The following ATP9B variants were observed in gnomAD, a reference collection of about 807,000 sequenced individuals.
The protein encoded by ATP9B is probable phospholipid-transporting ATPase IIB.
Under a neutral mutation model 146.1 loss-of-function variants are expected in ATP9B, and 110 were observed. The ratio of observed to expected loss-of-function variants is 0.75; its 90% CI spans 0.65 to 0.88. ATP9B has a LOEUF of 0.88. Among genes scored for constraint, ATP9B ranks in the 40% least tolerant of loss-of-function variants. The pLI is 0.00. For missense variants in ATP9B, 1,499 were observed against 1,496.4 expected (o/e 1.00, Z -0.03); for synonymous variants, 604 against 569.7 (o/e 1.06, Z -0.86).
chr18:79,259,453 A>G (rs982395691), intron 12 of ATP9B, among the ~76,000 whole-genome samples: 1 of 152,226 alleles, frequency 6.6e-6, no homozygotes, highest in Non-Finnish European at 1.5e-5. Context: ...TGTGGGTGCT[A>G]GAGGCAGAAT....
Position 79,344,382 on chromosome 18 carries a change from G to GTCTGTCTGTCTA in ATP9B, c.2472+37_2472+38insCTATCTGTCTGT, listed in dbSNP as rs367931438. 3.4e-3 allele frequency: 5,387 copies of GTCTGTCTGTCTA among 1,599,354 alleles called. 30 individuals carry two copies. The highest frequency in any genetic ancestry group is 0.021 in the African/African-American group (1,548 of 74,430). ...AAGGCTGGACCCTGAGTGAGTACAT[G>GTCTGTCTGTCTA]TCTGTCTGTGTCTCTGAGGCAAGGC... On this transcript the variant is annotated intron_variant, in intron 21 of 29. Transcript: ENST00000426216.
At chr18:79,148,197 G>A (rs1007667870) in intron 6 of ATP9B, among the ~76,000 whole-genome samples, 3 of 152,142 alleles carry the variant, frequency 2.0e-5, no homozygotes, top group Non-Finnish European at 2.9e-5. Context: ...GAAATACCTA[G>A]GTCCAGGAGA....
At chr18:79,191,179 T>C (rs1242238626) in intron 8 of ATP9B, among the ~76,000 whole-genome samples, 4 of 152,336 alleles carry the variant, frequency 2.6e-5, no homozygotes, top group East Asian at 1.9e-4. Context: ...GACTCCATTA[T>C]TTATAATGAG....
intron 8 of ATP9B, among the ~76,000 whole-genome samples, chr18:79,186,463 G>A (rs2095309038): frequency 6.6e-6 from 1 of 152,012 alleles, no homozygotes; most frequent in African/African-American, 2.4e-5. Context: ...AAATGCTGAT[G>A]TGTGTGTAGA....
intron 15 of ATP9B, among the ~76,000 whole-genome samples, chr18:79,319,532 C>G (rs952478351): frequency 8.5e-5 from 13 of 152,138 alleles, no homozygotes; most frequent in Non-Finnish European, 1.6e-4. Context: ...CGTAGGGGTC[C>G]CTGCTTCTCT....
chr18:79,273,775 T>A (rs1057426994), intron 12 of ATP9B, among the ~76,000 whole-genome samples: 1 of 152,224 alleles, frequency 6.6e-6, no homozygotes, highest in African/African-American at 2.4e-5. Context: ...CCAAGTTACC[T>A]CCTCAGACAC....
At chr18:79,256,984 A>G (rs983383260) in intron 12 of ATP9B, among the ~76,000 whole-genome samples, 2 of 152,200 alleles carry the variant, frequency 1.3e-5, no homozygotes, top group African/African-American at 4.8e-5. Flanking sequence ...TACAGTGCGT[A>G]TTATTCACAT....
chr18:79,089,074 T>G (rs952910710), intron 1 of ATP9B, among the ~76,000 whole-genome samples: 6 of 152,110 alleles, frequency 3.9e-5, no homozygotes, highest in Admixed American at 1.3e-4. Flanking sequence ...TGTGATGGCA[T>G]AAGAATGATG....
chr18:79,306,252 TTGGGGGGA>T (rs1305506572), intron 14 of ATP9B, among the ~76,000 whole-genome samples: 1 of 152,178 alleles, frequency 6.6e-6, no homozygotes, highest in Non-Finnish European at 1.5e-5. Flanking sequence ...CCTGTTGGGG[TTGGGGGGA>T]GTGTCCTCTG....
rs560199027 is a variant in ATP9B, at chr18:79,178,479, G to A, written c.873+1572G>A. Reference sequence around the variant, plus strand: ...GACAGTCTCGGAGCAAAAGCATTCCGCCTTGATGTATAATGCTAGCTGCAG... The same window carrying A: ...GACAGTCTCGGAGCAAAAGCATTCCACCTTGATGTATAATGCTAGCTGCAG... On this transcript the variant is annotated intron_variant, in intron 8 of 29. Coordinates refer to ENST00000426216, the MANE Select transcript of ATP9B (RefSeq NM_198531.5). Among the ~76,000 whole-genome samples, 9 of 152,192 alleles carry A rather than the reference G, an allele frequency of 5.9e-5. No individual in the cohort carries two copies. In the East Asian group the frequency reaches 7.7e-4, roughly 13 times the overall value.
chr18:79,083,369 G>C (rs1232250173), intron 1 of ATP9B, among the ~76,000 whole-genome samples: 2 of 152,202 alleles, frequency 1.3e-5, no homozygotes, highest in South Asian at 2.1e-4. Context: ...CGCTGAGGTA[G>C]ATCACTTGGC....
At chr18:79,262,111 C>A (rs1378202403) in intron 12 of ATP9B, among the ~76,000 whole-genome samples, 1 of 151,446 alleles carries the variant, frequency 6.6e-6, no homozygotes, top group African/African-American at 2.4e-5. Flanking sequence ...GGACACCCCG[C>A]TCCCCTCCCT....
At chr18:79,184,104 T>G (rs1298160382) in intron 8 of ATP9B, among the ~76,000 whole-genome samples, 1 of 152,242 alleles carries the variant, frequency 6.6e-6, no homozygotes, top group Non-Finnish European at 1.5e-5. Flanking sequence ...TATGCATTTA[T>G]AGGCTTTGTC....
chr18:79,318,173 G>A (rs899825013), intron 15 of ATP9B, among the ~76,000 whole-genome samples: 1 of 152,256 alleles, frequency 6.6e-6, no homozygotes, highest in Non-Finnish European at 1.5e-5. Flanking sequence ...TGAACCCGCA[G>A]GTTGGGGAGC....
At position 79,336,630 on chromosome 18, in the gene ATP9B, C is replaced by A; in HGVS notation, c.2031C>A (p.Cys677Ter). 1 of 1,613,774 alleles carries A rather than the reference C, an allele frequency of 6.2e-7. No homozygotes were observed. Among genetic ancestry groups the A allele is most frequent in the Non-Finnish European group, 8.5e-7 (1 of 1,179,922 alleles). ...VQYNDWLEEECGNMAREGLRT... is the reference protein window; with the variant it reads ...VQYNDWLEEE ...TGACTCGGCCTCTCCTTTTCCAGTG[C>A]GGAAACATGGCTCGCGAAGGACTGC... The change falls in exon 18 of 30, where the codon TGC (cysteine) becomes TGA (stop). Residue 677 changes from cysteine to a stop codon, truncating the protein, a stop_gained and splice_region_variant. Coordinates refer to ENST00000426216, the MANE Select transcript of ATP9B (RefSeq NM_198531.5). LOFTEE classifies it high-confidence loss of function.
chr18:79,162,597 G>A (rs942291373), intron 7 of ATP9B, among the ~76,000 whole-genome samples: 5 of 152,162 alleles, frequency 3.3e-5, no homozygotes, highest in Non-Finnish European at 5.9e-5. Context: ...GGACGGGGTG[G>A]TGGTTAAATG....
rs1393299922 is a variant in ATP9B at position 79,075,670 on chromosome 18, TTCTC to T, written c.119+6146_119+6149del. 3.3e-5 allele frequency among the ~76,000 whole-genome samples: 5 copies of T among 152,366 alleles called. No individual in the cohort carries two copies. In the East Asian group the frequency reaches 7.7e-4, roughly 23 times the overall value. On this transcript the variant is annotated intron_variant, in intron 1 of 29. Coordinates refer to ENST00000426216, the MANE Select transcript of ATP9B (RefSeq NM_198531.5). ...TGCATGGTATATAATTTTCCATCCT[TTCTC>T]TCTCAAGTCACTTATATTTGAAGTG... is the stretch of plus-strand genomic sequence containing the variant.
intron 14 of ATP9B, among the ~76,000 whole-genome samples, chr18:79,306,586 A>T (rs908135487): frequency 1.3e-5 from 2 of 152,246 alleles, no homozygotes; most frequent in East Asian, 3.8e-4. Context: ...GCTTTGTACA[A>T]CATTATTTAA....
At chr18:79,309,573 GCT>G (rs2096640836) in intron 15 of ATP9B, among the ~76,000 whole-genome samples, 1 of 116,002 alleles carries the variant, frequency 8.6e-6, no homozygotes, top group African/African-American at 3.3e-5. Context: ...AAGGTCAGGG[GCT>G]GAGGAGTGAT....
Sources: gnomAD v4.1 joint callset for allele counts (sites outside exome capture counted in the v4.1 genomes callset) on GRCh38, gnomAD v4.1.1 for gene constraint, MANE v1.5 for transcripts, NCBI Gene and HGNC (gene_info 2026-07-23, HGNC 2026-07-21) for gene names.